Variants in ZNF286A observed in about 807,000 individuals in gnomAD.
The protein encoded by ZNF286A is zinc finger protein ZNF286.
Under a neutral mutation model 49.3 loss-of-function variants are expected in ZNF286A, and 34 were observed. The ratio of observed to expected loss-of-function variants is 0.69; its 90% CI spans 0.52 to 0.92. The LOEUF (loss-of-function observed/expected upper bound fraction) is 0.92. Ranked by LOEUF, ZNF286A falls within the 40% of genes least tolerant of loss-of-function variation. The pLI is 0.00. For synonymous variants in ZNF286A, 155 were observed against 200.4 expected (o/e 0.77, Z 1.91); for missense variants, 462 against 600.2 (o/e 0.77, Z 2.41).
chr17:15,705,197 A>G (rs1990137309), intron 3 of ZNF286A, among the ~76,000 whole-genome samples: 2 of 152,194 alleles, frequency 1.3e-5, no homozygotes, highest in African/African-American at 2.4e-5. Context: ...AAGAACTTGT[A>G]TATGCTTCAC....
chr17:15,701,234 A>G lies in ZNF286A; in HGVS notation c.120A>G (p.Arg40=). The part of the protein sequence containing the change: ...GEVAALRLTA[R]SQETVTFKDV... Reference sequence around the variant, plus strand: ...TGGCTGCTCTGCGCCTCACGGCCAGATCCCAGGTGAGTGAGTGCTGATTAT... The same window carrying G: ...TGGCTGCTCTGCGCCTCACGGCCAGGTCCCAGGTGAGTGAGTGCTGATTAT... The change falls in exon 3 of 6, where the codon AGA becomes AGG. Residue 40 remains arginine, a synonymous_variant. Coordinates refer to ENST00000583566, the MANE Select transcript of ZNF286A (RefSeq NM_001130842.2). The G allele has an allele frequency of 6.2e-7, 1 of 1,614,054 alleles. No individual in the cohort carries two copies. Among genetic ancestry groups the G allele is most frequent in the Non-Finnish European group, 8.5e-7 (1 of 1,180,002 alleles).
At chr17:15,704,803 A>T in intron 3 of ZNF286A, 2 of 1,613,746 alleles carry the variant, frequency 1.2e-6, no homozygotes, top group East Asian at 4.5e-5. Flanking sequence ...GTTGGGAAAG[A>T]CCTTGATGCC....
intron 3 of ZNF286A, among the ~76,000 whole-genome samples, chr17:15,702,808 A>G (rs1256472476): frequency 1.3e-5 from 2 of 152,244 alleles, no homozygotes; most frequent in African/African-American, 4.8e-5. Context: ...AGAAGTAACT[A>G]TTGACTAACA....
Position 15,706,455 on chromosome 17 carries a change from A to C in ZNF286A, c.195A>C (p.Ala65=), listed in dbSNP as rs773079564. The C allele has an allele frequency of 6.2e-7, 1 of 1,613,682 alleles. No homozygotes were observed. The highest frequency in any genetic ancestry group is 8.5e-7 in the Non-Finnish European group (1 of 1,179,852). ...AGGAGTGGGGGAAGCTGGATCCTGC[A>C]CAAAGGGATGTGATGCTGGAGAACT... is the stretch of plus-strand genomic sequence containing the variant. ...TPEEWGKLDP[A]QRDVMLENYR... The change falls in exon 4 of 6, where the codon GCA becomes GCC. Residue 65 remains alanine (A), a synonymous_variant. Coordinates refer to ENST00000583566, the MANE Select transcript of ZNF286A (RefSeq NM_001130842.2).
chr17:15,708,121 T>C, intron 4 of ZNF286A, 34 bp from the exon 5 acceptor site: 1 of 1,484,946 alleles, frequency 6.7e-7, no homozygotes, highest in Admixed American at 2.2e-5. Flanking sequence ...CATTACTTTC[T>C]TCTTTCTGTC....
In ZNF286A at chr17:15,719,389, G is replaced by A. The variant is rs1217377093; in HGVS notation, c.*2099G>A. Reference sequence around the variant, plus strand: ...TCAGAACTGAGTAGCTGCAGCGGAGGTTGTGCCTCTGGGCTTTAATATCAC... The same window carrying A: ...TCAGAACTGAGTAGCTGCAGCGGAGATTGTGCCTCTGGGCTTTAATATCAC... On this transcript the variant is annotated 3_prime_UTR_variant, in exon 6 of 6. Coordinates refer to ENST00000583566, the MANE Select transcript of ZNF286A (RefSeq NM_001130842.2). 1 of 145,794 alleles carries A rather than the reference G, an allele frequency of 6.9e-6. No homozygotes were observed. The highest frequency in any genetic ancestry group is 1.5e-5 in the Non-Finnish European group (1 of 66,658). The allele number at this position is 145,794 out of a possible 1,614,324, so 9.0% of individuals were successfully genotyped here. A position where few individuals can be genotyped will look rare whatever the true frequency, so the allele number is the denominator to read the frequency against.
chr17:15,711,243 T>C (rs1034951332), intron 5 of ZNF286A: 22 of 152,166 alleles, frequency 1.4e-4, no homozygotes, highest in African/African-American at 3.9e-4. Context: ...TCTTTTTTTT[T>C]CTGCCTTTTC....
chr17:15,702,648 C>T (rs1212642748), intron 3 of ZNF286A, among the ~76,000 whole-genome samples: 8 of 152,230 alleles, frequency 5.3e-5, no homozygotes, highest in African/African-American at 7.2e-5. Context: ...AGATACTGCA[C>T]GTTCATAGTG....
chr17:15,699,874 T>G (rs1473851070), intron 1 of ZNF286A, 97 bp downstream of exon 1: 10 of 701,158 alleles, frequency 1.4e-5, no homozygotes, highest in Non-Finnish European at 2.3e-5. Flanking sequence ...TGCGCGTTTG[T>G]TAAAGGGGCC....
At chr17:15,704,916 G>C (rs2151457376) in intron 3 of ZNF286A, 1 of 1,579,374 alleles carries the variant, frequency 6.3e-7, no homozygotes, top group Non-Finnish European at 8.6e-7. Flanking sequence ...CGGCCGGCCG[G>C]GGGCGGGTCC....
At chr17:15,709,976 A>G (rs1276294833) in intron 5 of ZNF286A, 5 of 1,472,948 alleles carry the variant, frequency 3.4e-6, no homozygotes, top group African/African-American at 1.4e-5. Context: ...ATTTTTGTCA[A>G]TCTGACGGAT....
chr17:15,719,965 A>T lies in ZNF286A; in HGVS notation c.*2675A>T. On this transcript the variant is annotated 3_prime_UTR_variant, in exon 6 of 6. Coordinates refer to ENST00000583566, the MANE Select transcript of ZNF286A (RefSeq NM_001130842.2). Reference sequence around the variant, plus strand: ...TACTATATATTGTTAGGAGAATTCAAGTTATTGAAACTTGCCAAATTCTTG... The same window carrying T: ...TACTATATATTGTTAGGAGAATTCATGTTATTGAAACTTGCCAAATTCTTG... 6.6e-6 allele frequency: 1 copy of T among 152,224 alleles called. No homozygotes were observed. The highest frequency in any genetic ancestry group is 1.9e-4 in the East Asian group (1 of 5,204). The allele number at this position is 152,224 out of a possible 1,614,324, so 9.4% of individuals were successfully genotyped here.
In ZNF286A at chr17:15,717,930, ATTT is replaced by A. The variant is rs769116482; in HGVS notation, c.*659_*661del. On this transcript the variant is annotated 3_prime_UTR_variant, in exon 6 of 6. Transcript: ENST00000583566. ...TTCACATGGATTATGTACATCATTGATTTTTTTTTTTTTTTTTTTTTGAGACAG... is the reference window on the plus strand; with the variant it reads ...TTCACATGGATTATGTACATCATTGATTTTTTTTTTTTTTTTTTGAGACAG... The A allele has an allele frequency of 6.3e-4, 61 of 96,978 alleles. 1 individual carries two copies. Among genetic ancestry groups the A allele is most frequent in the African/African-American group, 2.6e-3 (60 of 22,676 alleles). 6.0% of individuals were successfully genotyped at this position (96,978 alleles called of 1,614,324 possible). A position where few individuals can be genotyped will look rare whatever the true frequency, so the allele number is the denominator to read the frequency against.
chr17:15,704,821 G>A (rs1314546880), intron 3 of ZNF286A: 2 of 1,613,580 alleles, frequency 1.2e-6, no homozygotes, highest in Non-Finnish European at 1.7e-6. Context: ...GCCATCGGGT[G>A]GGTCTGCGGT....
rs1467219207 is a variant in ZNF286A, at chr17:15,704,423, C to A, written c.127-1964C>A. ...CCGGCTTCGGCCCTGCCGCTGGGCCCGCCGGCGCCCCCGTGGATCTCTGTG... is the reference window on the plus strand; with the variant it reads ...CCGGCTTCGGCCCTGCCGCTGGGCCAGCCGGCGCCCCCGTGGATCTCTGTG... On this transcript the variant is annotated intron_variant, in intron 3 of 5. Transcript: ENST00000583566. 3.1e-6 allele frequency: 5 copies of A among 1,607,288 alleles called. No homozygotes were observed. The South Asian group carries it at 3.3e-5, about 11-fold the overall frequency.
chr17:15,715,929 T>C (rs1256317301), intron 5 of ZNF286A, 130 bp from the exon 6 acceptor site: 7 of 1,522,750 alleles, frequency 4.6e-6, no homozygotes, highest in Non-Finnish European at 6.2e-6. Flanking sequence ...TTGCAAATCA[T>C]CTGAAAGAGT....
At chr17:15,705,146 T>C (rs1192195922) in intron 3 of ZNF286A, among the ~76,000 whole-genome samples, 1 of 152,190 alleles carries the variant, frequency 6.6e-6, no homozygotes, top group Non-Finnish European at 1.5e-5. Flanking sequence ...TAGCTTTACT[T>C]TGAGATAATT....
chr17:15,702,515 A>T (rs1989864519), intron 3 of ZNF286A, among the ~76,000 whole-genome samples: 1 of 151,968 alleles, frequency 6.6e-6, no homozygotes, highest in Non-Finnish European at 1.5e-5. Context: ...TGTCTCAAAA[A>T]AAAAAAAAAA....
rs1381783761 is a variant in ZNF286A at position 15,719,681 on chromosome 17, T to C, written c.*2391T>C. ...GGCCCCATTTCGTAATACCGTCAGT[T>C]AAGTTTCATTATATGACTTTGATGG... On this transcript the variant is annotated 3_prime_UTR_variant, in exon 6 of 6. Coordinates refer to ENST00000583566, the MANE Select transcript of ZNF286A (RefSeq NM_001130842.2). 1 of 152,180 alleles carries C rather than the reference T, an allele frequency of 6.6e-6. No individual in the cohort carries two copies. Among genetic ancestry groups the C allele is most frequent in the African/African-American group, 2.4e-5 (1 of 41,430 alleles). 9.4% of individuals were successfully genotyped at this position (152,180 alleles called of 1,614,324 possible).
Sources: allele counts gnomAD v4.1 joint callset (sites outside exome capture counted in the v4.1 genomes callset), GRCh38; gene constraint gnomAD v4.1.1; transcripts MANE v1.5; gene names NCBI Gene and HGNC (gene_info 2026-07-23, HGNC 2026-07-21).